Variants in ATP1A2 observed in about 807,000 individuals in gnomAD.
ATP1A2 encodes ATPase Na+/K+ transporting subunit alpha 2, also known as sodium/potassium-transporting ATPase subunit alpha-2.
ATP1A2 carries 56 observed loss-of-function variants against 113.1 expected under a neutral mutation model. That is an observed-to-expected ratio of 0.49 (90% CI 0.40 to 0.62). The LOEUF (loss-of-function observed/expected upper bound fraction) is 0.62. Ranked by LOEUF, ATP1A2 falls within the 20% of genes least tolerant of loss-of-function variation. ATP1A2 has a pLI of 0.00. For synonymous variants in ATP1A2, 490 were observed against 526.8 expected, an observed-to-expected ratio of 0.93 and a Z score of 0.96; for missense variants, 712 against 1,357.8, an observed-to-expected ratio of 0.52 and a Z score of 7.47.
At position 160,128,732 on chromosome 1, in the gene ATP1A2, C is replaced by A. The variant is rs779356370; in HGVS notation, c.1098C>A (p.Gly366=). The A allele has an allele frequency of 1.2e-5, 19 of 1,614,030 alleles. No homozygotes were observed. Among genetic ancestry groups the A allele is most frequent in the Non-Finnish European group, 1.6e-5 (19 of 1,180,030 alleles). ...VKNLEAVETL[G]STSTICSDKT... ...ACCTGGAGGCGGTGGAGACGCTGGG[C>A]TCCACGTCCACCATCTGCTCGGACA... Residue 366 remains glycine, a synonymous_variant, in exon 9 of 23, where the codon GGC becomes GGA. Transcript: ENST00000361216.
intron 2 of ATP1A2, 75 bp from the exon 3 acceptor site, chr1:160,121,117 C>A: frequency 6.3e-7 from 1 of 1,599,800 alleles, no homozygotes; most frequent in Non-Finnish European, 8.6e-7. Context: ...GCTCAACTCA[C>A]CCCTGTGCCC....
chr1:160,134,417 G>A, intron 13 of ATP1A2, 67 bp from the exon 14 acceptor site: 2 of 1,610,898 alleles, frequency 1.2e-6, no homozygotes, highest in Non-Finnish European at 1.7e-6. Flanking sequence ...TCTTACTTTG[G>A]GAGAGGAACA....
At chr1:160,137,240 T>G in intron 20 of ATP1A2, 1 of 716,230 alleles carries the variant, frequency 1.4e-6, no homozygotes, top group Non-Finnish European at 2.3e-6. Context: ...TTATTGTCTC[T>G]CTCCACCTTT....
Position 160,130,269 on chromosome 1 carries a change from G to A in ATP1A2, c.1629G>A (p.Gly543=), listed in dbSNP as rs1651730644. ...DAFQNAYMEL[G]GLGERVLGFC... ...TTCAAAATGCCTACATGGAGCTGGGGGGACTTGGGGAGCGTGTGCTGGGTG... is the reference window on the plus strand; with the variant it reads ...TTCAAAATGCCTACATGGAGCTGGGAGGACTTGGGGAGCGTGTGCTGGGTG... The change falls in exon 12 of 23, where the codon GGG becomes GGA. Residue 543 remains glycine, a synonymous_variant. Coordinates refer to ENST00000361216, the MANE Select transcript of ATP1A2 (RefSeq NM_000702.4). 2 of 1,614,188 alleles carry A rather than the reference G, an allele frequency of 1.2e-6. No homozygotes were observed. The highest frequency in any genetic ancestry group is 4.5e-5 in the East Asian group (2 of 44,878).
chr1:160,129,193 C>T, intron 10 of ATP1A2, 73 bp from the exon 11 acceptor site: 1 of 1,611,824 alleles, frequency 6.2e-7, no homozygotes, highest in Non-Finnish European at 8.5e-7. Flanking sequence ...TTGGGGGTTT[C>T]AGTGCCGCCT....
rs1651897433 is a variant in ATP1A2, at chr1:160,135,194, T to A, written c.2014T>A (p.Ser672Thr). The change falls in exon 15 of 23, where the codon TCG becomes ACG. Residue 672 changes from serine (S) to threonine (T), a missense_variant. Physicochemically the swap from Ser to Thr is moderately conservative, Grantham distance 58. Around this residue, in one of 6 missense-constraint regions of ATP1A2, gnomAD observed 263 missense variants for 380.6 expected, o/e 0.69. Coordinates refer to ENST00000361216, the MANE Select transcript of ATP1A2 (RefSeq NM_000702.4). The surrounding 1 kb of genome is among the most constrained non-coding windows in gnomAD (Gnocchi z 6.3). ...VHGSDLKDMT[S>T]EQLDEILKNH... ...CGGCTCTGACCTGAAGGACATGACATCGGAGCAGCTCGATGAGATCCTCAA... is the reference window on the plus strand; with the variant it reads ...CGGCTCTGACCTGAAGGACATGACAACGGAGCAGCTCGATGAGATCCTCAA... 6 of 1,614,058 alleles carry A rather than the reference T, an allele frequency of 3.7e-6. No homozygotes were observed. Among genetic ancestry groups the A allele is most frequent in the Non-Finnish European group, 5.1e-6 (6 of 1,180,012 alleles).
chr1:160,127,066 C>G (rs1047632287), intron 7 of ATP1A2, among the ~76,000 whole-genome samples: 2 of 152,036 alleles, frequency 1.3e-5, no homozygotes, highest in African/African-American at 4.8e-5. Context: ...AATACACCAC[C>G]CTTCCTTCCC....
chr1:160,125,123 C>T lies in ATP1A2; in HGVS notation c.631-13C>T. 6.2e-7 allele frequency: 1 copy of T among 1,611,706 alleles called. No individual in the cohort carries two copies. The highest frequency in any genetic ancestry group is 1.1e-5 in the South Asian group (1 of 91,044). On this transcript the variant is annotated splice_polypyrimidine_tract_variant and intron_variant, in intron 6 of 22. Transcript: ENST00000361216. ...TCTGCCAGTCTGATGACTATGCACT[C>T]CTTCCTCCTCAGGTGGATAACTCAT...
In ATP1A2 at chr1:160,121,187, C is replaced by T; in HGVS notation, c.118-5C>T. ...CCCCAAAGTAACTCACCCTCCCTTC[C>T]CCAGGATGACCACAAGCTGTCCTTG... On this transcript the variant is annotated splice_region_variant and splice_polypyrimidine_tract_variant and intron_variant, in intron 2 of 22. Coordinates refer to ENST00000361216, the MANE Select transcript of ATP1A2 (RefSeq NM_000702.4). 1 of 1,614,176 alleles carries T rather than the reference C, an allele frequency of 6.2e-7. No homozygotes were observed. The highest frequency in any genetic ancestry group is 8.5e-7 in the Non-Finnish European group (1 of 1,180,030).
chr1:160,121,341 C>A, intron 3 of ATP1A2, 90 bp downstream of exon 3: 5 of 1,468,626 alleles, frequency 3.4e-6, no homozygotes, highest in Non-Finnish European at 4.8e-6. Context: ...TGTAATCCAG[C>A]CTTCTTTACA....
rs368523013 is a variant in ATP1A2 at position 160,141,395 on chromosome 1, G to A, written c.*73G>A. 521 of 1,590,050 alleles carry A rather than the reference G, an allele frequency of 3.3e-4. No individual in the cohort carries two copies. The highest frequency in any genetic ancestry group is 4.2e-4 in the Non-Finnish European group (486 of 1,158,618). ...GTGTTGTGGGGATGGTGATGGAGAG[G>A]GATGGAAATAACGGGTGGCATTGGG... On this transcript the variant is annotated 3_prime_UTR_variant, in exon 23 of 23. Coordinates refer to ENST00000361216, the MANE Select transcript of ATP1A2 (RefSeq NM_000702.4).
intron 8 of ATP1A2, 174 bp from the exon 9 acceptor site, chr1:160,128,478 C>G: frequency 6.5e-7 from 1 of 1,530,192 alleles, no homozygotes; most frequent in Non-Finnish European, 8.8e-7. Flanking sequence ...TTAACAGATA[C>G]TCATGATCTC....
chr1:160,116,542 C>CT (rs1491334887), intron 1 of ATP1A2, among the ~76,000 whole-genome samples: 1 of 1,994 alleles, frequency 5.0e-4, no homozygotes, highest in Non-Finnish European at 0.011. Context: ...TGACAGGTGA[C>CT]CCCCCCCCCA....
At chr1:160,127,049 T>A (rs1250963917) in intron 7 of ATP1A2, among the ~76,000 whole-genome samples, 1 of 152,128 alleles carries the variant, frequency 6.6e-6, no homozygotes, top group Non-Finnish European at 1.5e-5. Context: ...ATGTGCATGC[T>A]TTTTTCAATA....
chr1:160,120,860 C>T (rs1256467531), intron 1 of ATP1A2, 46 bp from the exon 2 acceptor site: 4 of 1,537,074 alleles, frequency 2.6e-6, no homozygotes, highest in Non-Finnish European at 3.5e-6. Flanking sequence ...ATGGAGGCCC[C>T]AGCCCCTCTC....
rs2101989816 is a variant in ATP1A2, at chr1:160,129,372, T to C, written c.1433T>C (p.Ile478Thr). 2 of 1,613,960 alleles carry C rather than the reference T, an allele frequency of 1.2e-6. No individual in the cohort carries two copies. Among genetic ancestry groups the C allele is most frequent in the Non-Finnish European group, 1.7e-6 (2 of 1,180,034 alleles). ...GACAGAAACCCCAAGGTGGCAGAGA[T>C]TCCTTTCAACTCTACCAACAAGTAC... ...MRDRNPKVAEIPFNSTNKYQL... is the reference protein window; with the variant it reads ...MRDRNPKVAETPFNSTNKYQL... The change falls in exon 11 of 23, where the codon ATT becomes ACT. Residue 478 changes from isoleucine to threonine, a missense_variant. Physicochemically the swap from Ile to Thr is moderately conservative, Grantham distance 89 (BLOSUM62 -1). Coordinates refer to ENST00000361216, the MANE Select transcript of ATP1A2 (RefSeq NM_000702.4).
chr1:160,121,422 A>G, intron 3 of ATP1A2, 171 bp downstream of exon 3: 1 of 786,008 alleles, frequency 1.3e-6, no homozygotes, highest in South Asian at 1.5e-5. Context: ...CACAGCCAGA[A>G]CTAGAATTTG....
chr1:160,120,221 C>G (rs1651348814), intron 1 of ATP1A2, among the ~76,000 whole-genome samples: 1 of 152,114 alleles, frequency 6.6e-6, no homozygotes, highest in Non-Finnish European at 1.5e-5. Context: ...AACGGGCAGG[C>G]CTGCCCAGCA....
rs1198319159 is a variant in ATP1A2 at position 160,135,807 on chromosome 1, A to G, written c.2285-32A>G. The G allele has an allele frequency of 1.1e-5, 17 of 1,613,534 alleles. No homozygotes were observed. Among genetic ancestry groups the G allele is most frequent in the Non-Finnish European group, 1.4e-5 (16 of 1,179,878 alleles). ...CTGGGGGTGGGGAAGAGTCCCTCTG[A>G]CCTCCCTGATGCCCTCAGAATCTCC... On this transcript the variant is annotated intron_variant, in intron 16 of 22. Coordinates refer to ENST00000361216, the MANE Select transcript of ATP1A2 (RefSeq NM_000702.4). The surrounding 1 kb of genome is among the most constrained non-coding windows in gnomAD (Gnocchi z 6.3).
Sources: gnomAD v4.1 joint callset for allele counts (sites outside exome capture counted in the v4.1 genomes callset) on GRCh38, gnomAD v4.1.1 for gene constraint, gnomAD v4.1.1 regional missense constraint, Gnocchi (gnomAD v3.1) non-coding constraint, MANE v1.5 for transcripts, NCBI Gene and HGNC (gene_info 2026-07-23, HGNC 2026-07-21) for gene names.